Variants in EPHX2 observed in about 807,000 individuals in gnomAD.
EPHX2 encodes epoxide hydrolase 2, also known as bifunctional epoxide hydrolase 2.
A neutral mutation model predicts 78.7 loss-of-function variants in EPHX2; 74 were observed. The observed-to-expected ratio is 0.94, with a 90% confidence interval of 0.78 to 1.14. EPHX2 has a LOEUF of 1.14. EPHX2 is among the 50% of genes most tolerant of loss of function. The pLI is 0.00. For synonymous variants in EPHX2, 251 were observed against 255.2 expected (o/e 0.98, Z 0.16); for missense variants, 715 against 702.5 (o/e 1.02, Z -0.20).
chr8:27,491,380 C>A, intron 1 of EPHX2, 71 bp downstream of exon 1: 1 of 1,196,472 alleles, frequency 8.4e-7, no homozygotes, highest in Non-Finnish European at 1.1e-6. Flanking sequence ...GGCTTGCAGC[C>A]CAGCTTTCAG....
intron 6 of EPHX2, among the ~76,000 whole-genome samples, chr8:27,512,378 A>G (rs1388609411): frequency 6.6e-6 from 1 of 152,238 alleles, no homozygotes; most frequent in Non-Finnish European, 1.5e-5. Context: ...ACAGGCATTT[A>G]TCGAACACTT....
chr8:27,522,082 G>T (rs72475879), intron 10 of EPHX2, among the ~76,000 whole-genome samples: 2,020 of 152,274 alleles, frequency 0.013, 43 homozygotes, highest in African/African-American at 0.046. Flanking sequence ...TTTGATAAAA[G>T]ATGCACATGG....
At chr8:27,510,058 GTCCC>G (rs1446521595) in intron 5 of EPHX2, among the ~76,000 whole-genome samples, 1 of 152,168 alleles carries the variant, frequency 6.6e-6, no homozygotes, top group African/African-American at 2.4e-5. Flanking sequence ...ATCACACTGA[GTCCC>G]TCCCTGCCCC....
At chr8:27,510,018 C>T (rs1585196013) in intron 5 of EPHX2, among the ~76,000 whole-genome samples, 2 of 152,180 alleles carry the variant, frequency 1.3e-5, no homozygotes, top group East Asian at 3.9e-4. Flanking sequence ...GGGCTCATGG[C>T]CATCAGGAGA....
At chr8:27,510,934 G>A (rs1814216356) in intron 5 of EPHX2, among the ~76,000 whole-genome samples, 1 of 152,100 alleles carries the variant, frequency 6.6e-6, no homozygotes, top group South Asian at 2.1e-4. Context: ...GGATGACAGA[G>A]CAGAGACCCC....
chr8:27,500,043 G>T (rs1010957103), intron 1 of EPHX2, among the ~76,000 whole-genome samples: 1 of 152,114 alleles, frequency 6.6e-6, no homozygotes, highest in African/African-American at 2.4e-5. Flanking sequence ...TTTGGGATGG[G>T]GGTATACAAC....
chr8:27,546,697 T>C (rs868421095), downstream of EPHX2, among the ~76,000 whole-genome samples: 1 of 152,280 alleles, frequency 6.6e-6, no homozygotes, highest in African/African-American at 2.4e-5. Flanking sequence ...CCATCAGCCA[T>C]CAAAAAGGCC....
At position 27,545,295 on chromosome 8, in the gene EPHX2, ATCCAGC is replaced by A. The variant is rs1815550536; in HGVS notation, c.*776_*781del. The stretch of plus-strand genomic sequence containing the variant: ...AGCAGCTGCCATGAGGCTCAGGCAG[ATCCAGC>A]TCATCTTCCCCTCTGCCCCCTCCTC... On this transcript the variant is annotated 3_prime_UTR_variant, in exon 19 of 19. Transcript: ENST00000521400. The A allele has an allele frequency of 2.0e-5, 3 of 152,308 alleles. No individual in the cohort carries two copies. The highest frequency in any genetic ancestry group is 7.2e-5 in the African/African-American group (3 of 41,408). The allele number at this position is 152,308 out of a possible 1,614,324, so 9.4% of individuals were successfully genotyped here. A position where few individuals can be genotyped will look rare whatever the true frequency, so the allele number is the denominator to read the frequency against.
intron 12 of EPHX2, among the ~76,000 whole-genome samples, chr8:27,527,960 C>T (rs892050823): frequency 1.3e-5 from 2 of 152,152 alleles, no homozygotes; most frequent in Admixed American, 6.5e-5. Context: ...GTCAGGATAT[C>T]GACCTAGGCC....
At chr8:27,542,110 G>GTAGC (rs1815422158) in intron 16 of EPHX2, among the ~76,000 whole-genome samples, 1 of 152,140 alleles carries the variant, frequency 6.6e-6, no homozygotes, top group South Asian at 2.1e-4. Context: ...GACTGCACAG[G>GTAGC]TAGCTAGGCC....
At chr8:27,534,106 C>G (rs1451880887) in intron 12 of EPHX2, among the ~76,000 whole-genome samples, 3 of 152,204 alleles carry the variant, frequency 2.0e-5, no homozygotes, top group Non-Finnish European at 4.4e-5. Flanking sequence ...CATCCATGAC[C>G]TAAATGTGCT....
chr8:27,492,331 A>G (rs1353099789), intron 1 of EPHX2, among the ~76,000 whole-genome samples: 3 of 152,220 alleles, frequency 2.0e-5, no homozygotes, highest in Non-Finnish European at 4.4e-5. Flanking sequence ...TGAAAGAGCA[A>G]GACCCTGTCT....
At chr8:27,502,078 G>A (rs1282639895) in intron 2 of EPHX2, among the ~76,000 whole-genome samples, 2 of 152,134 alleles carry the variant, frequency 1.3e-5, no homozygotes, top group African/African-American at 4.8e-5. Context: ...AGCGCTGTAG[G>A]CAACACATAA....
rs867470047 is a variant in EPHX2 at position 27,516,392 on chromosome 8, C to T, written c.904C>T (p.Pro302Ser). 1 of 1,613,966 alleles carries T rather than the reference C, an allele frequency of 6.2e-7. No individual in the cohort carries two copies. Among genetic ancestry groups the T allele is most frequent in the Non-Finnish European group, 8.5e-7 (1 of 1,179,872 alleles). The change falls in exon 8 of 19, where the codon CCT becomes TCT. Residue 302 changes from proline to serine, a missense_variant. Pro to Ser is a moderately conservative substitution (Grantham distance 74). Transcript: ENST00000521400. The part of the protein sequence containing the change: ...DMKGYGESSA[P>S]PEIEEYCMEV... ...GAAAGGCTATGGAGAGTCATCTGCT[C>T]CTCCCGGTGGGTGTGCTGTCTTGCA...
At chr8:27,499,123 G>A (rs1813675281) in intron 1 of EPHX2, among the ~76,000 whole-genome samples, 1 of 152,082 alleles carries the variant, frequency 6.6e-6, no homozygotes, top group Non-Finnish European at 1.5e-5. Context: ...AAAGCCACTA[G>A]TCCCAATCCC....
At chr8:27,540,349 A>T (rs1481303874) in intron 14 of EPHX2, among the ~76,000 whole-genome samples, 1 of 152,142 alleles carries the variant, frequency 6.6e-6, no homozygotes, top group Non-Finnish European at 1.5e-5. Flanking sequence ...AGGGAACATC[A>T]GGCTCCAGTG....
At chr8:27,522,358 G>T in intron 10 of EPHX2, 65 bp from the exon 11 acceptor site, 3 of 1,539,702 alleles carry the variant, frequency 1.9e-6, no homozygotes, top group South Asian at 2.3e-5. Flanking sequence ...GCTGATGGCC[G>T]AACCTCTCAG....
chr8:27,534,136 C>T (rs1310597002), intron 12 of EPHX2, among the ~76,000 whole-genome samples: 6 of 152,226 alleles, frequency 3.9e-5, no homozygotes, highest in African/African-American at 9.6e-5. Flanking sequence ...GGCTATTTCT[C>T]ACTGTGGCAT....
chr8:27,545,975 C>T (rs1301265413), downstream of EPHX2, among the ~76,000 whole-genome samples: 1 of 152,060 alleles, frequency 6.6e-6, no homozygotes, highest in Non-Finnish European at 1.5e-5. Context: ...AACTGAGGTT[C>T]AGATAATTTG....
Sources: gnomAD v4.1 joint callset for allele counts (sites outside exome capture counted in the v4.1 genomes callset) on GRCh38, gnomAD v4.1.1 for gene constraint, MANE v1.5 for transcripts, NCBI Gene and HGNC (gene_info 2026-07-23, HGNC 2026-07-21) for gene names.